ENPEP: variants seen among roughly 807,000 people sequenced by gnomAD.
ENPEP encodes AP-A.
ENPEP carries 103 observed loss-of-function variants against 114.5 expected under a neutral mutation model. The ratio of observed to expected loss-of-function variants is 0.90; its 90% CI spans 0.77 to 1.06. ENPEP has a LOEUF of 1.06. ENPEP is among the 50% of genes least tolerant of loss of function. ENPEP has a pLI of 0.00. For synonymous variants in ENPEP, 420 were observed against 422.0 expected, an observed-to-expected ratio of 1.00 and a Z score of 0.06; for missense variants, 1,196 against 1,161.3, an observed-to-expected ratio of 1.03 and a Z score of -0.43.
chr4:110,539,061 A>C (rs773403707), intron 11 of ENPEP, among the ~76,000 whole-genome samples: 8 of 152,196 alleles, frequency 5.3e-5, no homozygotes, highest in Admixed American at 1.3e-4. Context: ...TAACAGATAT[A>C]ATAATAATGA....
intron 2 of ENPEP, among the ~76,000 whole-genome samples, chr4:110,489,788 T>C (rs947355428): frequency 2.6e-5 from 4 of 152,164 alleles, no homozygotes; most frequent in East Asian, 1.9e-4. Flanking sequence ...TCTTTAGGTA[T>C]AATAATCAGA....
chr4:110,521,495 C>A (rs1725988334), intron 10 of ENPEP, among the ~76,000 whole-genome samples: 1 of 151,904 alleles, frequency 6.6e-6, no homozygotes, highest in Non-Finnish European at 1.5e-5. Flanking sequence ...CAATTTAACT[C>A]TTTCTTAAAT....
intron 3 of ENPEP, among the ~76,000 whole-genome samples, chr4:110,505,924 G>A (rs1725354574): frequency 6.6e-6 from 1 of 152,108 alleles, no homozygotes; most frequent in Non-Finnish European, 1.5e-5. Flanking sequence ...GCTTAGAATT[G>A]GGGACAAAAA....
At chr4:110,537,448 A>G (rs1227690188) in intron 11 of ENPEP, among the ~76,000 whole-genome samples, 3 of 152,164 alleles carry the variant, frequency 2.0e-5, no homozygotes, top group Non-Finnish European at 4.4e-5. Context: ...CACCTATTCA[A>G]GTTTTATCAT....
intron 1 of ENPEP, among the ~76,000 whole-genome samples, chr4:110,480,314 G>T (rs754958603): frequency 6.6e-6 from 1 of 152,170 alleles, no homozygotes; most frequent in Non-Finnish European, 1.5e-5. Flanking sequence ...TGAGAAAAGT[G>T]CATCATGCTT....
intron 3 of ENPEP, among the ~76,000 whole-genome samples, chr4:110,502,703 A>C (rs1179151714): frequency 1.3e-5 from 2 of 152,120 alleles, no homozygotes; most frequent in South Asian, 2.1e-4. Flanking sequence ...AAGTCAGGTA[A>C]TGTGATTCCT....
chr4:110,486,305 G>A (rs557814295), intron 1 of ENPEP, among the ~76,000 whole-genome samples: 126 of 152,232 alleles, frequency 8.3e-4, no homozygotes, highest in African/African-American at 2.7e-3. Context: ...GTAAGTCCTT[G>A]AATCAAAATA....
chr4:110,542,142 G>A (rs1726872893), intron 11 of ENPEP, among the ~76,000 whole-genome samples: 2 of 152,098 alleles, frequency 1.3e-5, no homozygotes, highest in East Asian at 1.9e-4. Flanking sequence ...GTGTGAAGTC[G>A]ATTACAAAAT....
chr4:110,483,196 A>G (rs1724379493), intron 1 of ENPEP, among the ~76,000 whole-genome samples: 1 of 152,180 alleles, frequency 6.6e-6, no homozygotes, highest in Admixed American at 6.5e-5. Context: ...TCAAACCACC[A>G]TAAAAATACA....
chr4:110,553,205 A>T (rs1239213146), intron 17 of ENPEP, 110 bp from the exon 18 acceptor site: 1 of 953,588 alleles, frequency 1.0e-6, no homozygotes, highest in Non-Finnish European at 1.5e-6. Context: ...TTGTCAGTTG[A>T]TACCTCAAGA....
intron 1 of ENPEP, among the ~76,000 whole-genome samples, chr4:110,479,232 G>A (rs193286509): frequency 6.6e-6 from 1 of 152,132 alleles, no homozygotes; most frequent in Non-Finnish European, 1.5e-5. Flanking sequence ...GTCATTTGAT[G>A]TTCTTCCACA....
intron 1 of ENPEP, among the ~76,000 whole-genome samples, chr4:110,481,716 G>A (rs1282091500): frequency 6.6e-6 from 1 of 152,116 alleles, no homozygotes; most frequent in Non-Finnish European, 1.5e-5. Flanking sequence ...GAAGGGAAGA[G>A]TTTATATGTG....
intron 4 of ENPEP, among the ~76,000 whole-genome samples, chr4:110,507,706 T>C (rs1382777018): frequency 6.6e-6 from 1 of 152,250 alleles, no homozygotes; most frequent in Non-Finnish European, 1.5e-5. Context: ...CCAGGTGCAG[T>C]GGCTCACGCC....
Position 110,542,850 on chromosome 4 carries a change from G to A in ENPEP, c.1907G>A (p.Trp636Ter). Residue 636 changes from tryptophan (W) to a stop codon, truncating the protein, a stop_gained, in exon 12 of 20, where the codon TGG becomes TAG. Coordinates refer to ENST00000265162, the MANE Select transcript of ENPEP (RefSeq NM_001977.4). LOFTEE classifies it high-confidence loss of function. ...FYRVNYEVAT[W>*]DSIATALSLN... ...CGTGTAAATTATGAAGTAGCAACTT[G>A]GGACTCGATAGCTACAGCGCTCTCC... is the stretch of plus-strand genomic sequence containing the variant. 6.2e-7 allele frequency: 1 copy of A among 1,613,190 alleles called. No individual in the cohort carries two copies. Among genetic ancestry groups the A allele is most frequent in the African/African-American group, 1.3e-5 (1 of 74,980 alleles).
At chr4:110,527,254 A>T (rs1382743304) in intron 10 of ENPEP, among the ~76,000 whole-genome samples, 1 of 152,194 alleles carries the variant, frequency 6.6e-6, no homozygotes, top group African/African-American at 2.4e-5. Context: ...GCATTGAGAA[A>T]GCCGTTGTAC....
chr4:110,514,687 T>C (rs1725694185), intron 7 of ENPEP, among the ~76,000 whole-genome samples: 1 of 116,642 alleles, frequency 8.6e-6, no homozygotes, highest in African/African-American at 3.1e-5. Context: ...ACAATAAAAA[T>C]TACTAATTTA....
At chr4:110,521,022 T>G (rs929595818) in intron 10 of ENPEP, among the ~76,000 whole-genome samples, 1 of 152,208 alleles carries the variant, frequency 6.6e-6, no homozygotes, top group African/African-American at 2.4e-5. Context: ...TTCCATTTGG[T>G]TGAGACTCTC....
chr4:110,491,059 G>A lies in ENPEP; in HGVS notation c.813G>A (p.Trp271Ter), dbSNP rs751393675. 3.1e-6 allele frequency: 5 copies of A among 1,610,628 alleles called. No individual in the cohort carries two copies. The highest frequency in any genetic ancestry group is 3.4e-6 in the Non-Finnish European group (4 of 1,179,326). ...AAGAAGAGTCAGTGGATGATAAATG[G>A]ACTCGAACAACTTTTGAGAAGTCTG... Reference protein sequence around the residue: ...VAKEESVDDKWTRTTFEKSVP... With the variant: ...VAKEESVDDK The change falls in exon 3 of 20, where the codon TGG becomes TGA. Residue 271 changes from tryptophan to a stop codon, truncating the protein, a stop_gained. Transcript: ENST00000265162. LOFTEE classifies it high-confidence loss of function.
At chr4:110,550,709 A>G (rs1417193081) in intron 17 of ENPEP, among the ~76,000 whole-genome samples, 3 of 152,200 alleles carry the variant, frequency 2.0e-5, no homozygotes, top group East Asian at 3.9e-4. Flanking sequence ...TGTCCTTTCT[A>G]TGTATAGATA....
Sources: allele counts gnomAD v4.1 joint callset (sites outside exome capture counted in the v4.1 genomes callset), GRCh38; gene constraint gnomAD v4.1.1; transcripts MANE v1.5; gene names NCBI Gene and HGNC (gene_info 2026-07-23, HGNC 2026-07-21).